CLMP: variants seen among roughly 807,000 people sequenced by gnomAD.
The protein encoded by CLMP is CXADR-like membrane protein.
In CLMP, 27 loss-of-function variants were observed where a neutral mutation model predicts 45.2. The observed-to-expected ratio is 0.60, with a 90% CI of 0.44 to 0.82. The LOEUF is 0.82. CLMP is among the 40% of genes least tolerant of loss of function. The pLI, the probability that CLMP is intolerant of heterozygous loss-of-function variation, is 0.00. For missense variants in CLMP, 403 were observed against 448.4 expected, an observed-to-expected ratio of 0.90 and a Z score of 0.91; for synonymous variants, 167 against 171.4, an observed-to-expected ratio of 0.97 and a Z score of 0.20.
intron 1 of CLMP, among the ~76,000 whole-genome samples, chr11:123,129,448 T>G (rs942775304): frequency 6.2e-4 from 87 of 140,330 alleles, no homozygotes; most frequent in African/African-American, 2.3e-3. Context: ...ATATGATATA[T>G]TATATAAAAT....
intron 1 of CLMP, among the ~76,000 whole-genome samples, chr11:123,183,154 G>T (rs1172135737): frequency 1.3e-5 from 2 of 152,188 alleles, no homozygotes; most frequent in Admixed American, 6.5e-5. Context: ...TGGGTCTGGA[G>T]TTAGTGGGTC....
chr11:123,120,619 C>T (rs7122440), intron 1 of CLMP, among the ~76,000 whole-genome samples: 20,963 of 151,926 alleles, frequency 0.14, 1,473 homozygotes, highest in African/African-American at 0.15. Flanking sequence ...TTATGAGAAT[C>T]GAGTTAGTTT....
At chr11:123,101,877 A>AG (rs111428435) in intron 1 of CLMP, among the ~76,000 whole-genome samples, 14,852 of 152,240 alleles carry the variant, frequency 0.098, 826 homozygotes, top group East Asian at 0.16. Context: ...CCATTACTCC[A>AG]AGGTTATAAG....
chr11:123,161,258 C>A (rs187870873), intron 1 of CLMP, among the ~76,000 whole-genome samples: 1 of 152,182 alleles, frequency 6.6e-6, no homozygotes, highest in South Asian at 2.1e-4. Context: ...GACTGTAGAA[C>A]TGAGACAGAT....
At chr11:123,183,795 G>A (rs1356605660) in intron 1 of CLMP, among the ~76,000 whole-genome samples, 4 of 152,162 alleles carry the variant, frequency 2.6e-5, no homozygotes, top group Non-Finnish European at 5.9e-5. Context: ...CTGGGGTGGG[G>A]ATGAAACACA....
intron 1 of CLMP, among the ~76,000 whole-genome samples, chr11:123,128,981 A>G (rs1449613192): frequency 1.3e-5 from 2 of 152,216 alleles, no homozygotes; most frequent in Non-Finnish European, 2.9e-5. Context: ...TAATTAGCAC[A>G]GCCGGTGTTA....
chr11:123,129,665 TTATA>T (rs1221571435), intron 1 of CLMP, among the ~76,000 whole-genome samples: 3 of 140,986 alleles, frequency 2.1e-5, no homozygotes, highest in Non-Finnish European at 4.6e-5. Context: ...TATATAAATT[TTATA>T]TATATAAATA....
chr11:123,172,800 T>G (rs1202601112), intron 1 of CLMP, among the ~76,000 whole-genome samples: 2 of 152,248 alleles, frequency 1.3e-5, no homozygotes, highest in Non-Finnish European at 2.9e-5. Context: ...AACATTTTTT[T>G]ACATTGTATT....
intron 1 of CLMP, among the ~76,000 whole-genome samples, chr11:123,184,608 C>G (rs111640991): frequency 6.6e-6 from 1 of 152,154 alleles, no homozygotes; most frequent in Non-Finnish European, 1.5e-5. Flanking sequence ...AGCCCATACA[C>G]GACTCTTGCC....
intron 1 of CLMP, among the ~76,000 whole-genome samples, chr11:123,168,986 A>G (rs1178663761): frequency 6.6e-6 from 1 of 152,150 alleles, no homozygotes; most frequent in Non-Finnish European, 1.5e-5. Flanking sequence ...CTCTTCAGGG[A>G]CCCATGAATA....
chr11:123,160,248 C>A (rs1478793809), intron 1 of CLMP, among the ~76,000 whole-genome samples: 1 of 132,136 alleles, frequency 7.6e-6, no homozygotes, highest in African/African-American at 3.0e-5. Context: ...CCACTGCACT[C>A]CAGCCTGGGC....
chr11:123,125,121 C>T (rs1860870627), intron 1 of CLMP, among the ~76,000 whole-genome samples: 1 of 152,164 alleles, frequency 6.6e-6, no homozygotes, highest in South Asian at 2.1e-4. Context: ...GGGTCTTGAA[C>T]TCCTGAGCTC....
intron 1 of CLMP, among the ~76,000 whole-genome samples, chr11:123,099,772 A>G (rs1019573249): frequency 3.3e-5 from 5 of 152,166 alleles, no homozygotes; most frequent in Non-Finnish European, 7.4e-5. Context: ...AAAACAAATT[A>G]TGCGGGAAAA....
intron 1 of CLMP, among the ~76,000 whole-genome samples, chr11:123,178,435 C>G (rs80211940): frequency 6.6e-6 from 1 of 152,188 alleles, no homozygotes; most frequent in Admixed American, 6.5e-5. Flanking sequence ...CTCATTTTCG[C>G]AAAGACACCC....
chr11:123,115,462 T>G (rs1860707615), intron 1 of CLMP, among the ~76,000 whole-genome samples: 1 of 152,194 alleles, frequency 6.6e-6, no homozygotes, highest in African/African-American at 2.4e-5. Flanking sequence ...GATTCAACAA[T>G]GGCATTTTAG....
intron 5 of CLMP, among the ~76,000 whole-genome samples, chr11:123,082,087 GTGTGTGTGCATGAGCACATGCACATACA>G (rs1339097253): frequency 3.3e-5 from 5 of 152,238 alleles, no homozygotes; most frequent in African/African-American, 1.2e-4. Context: ...ATGTACACAC[GTGTGTGTGCATGAGCACATGCACATACA>G]CACTCACAAA....
At chr11:123,118,427 G>A (rs1357917563) in intron 1 of CLMP, among the ~76,000 whole-genome samples, 1 of 152,182 alleles carries the variant, frequency 6.6e-6, no homozygotes, top group Non-Finnish European at 1.5e-5. Flanking sequence ...AAGCCACCAA[G>A]CCCAGCCAAG....
At chr11:123,136,546 A>C (rs1465923236) in intron 1 of CLMP, among the ~76,000 whole-genome samples, 2 of 115,858 alleles carry the variant, frequency 1.7e-5, no homozygotes, top group Non-Finnish European at 3.6e-5. Flanking sequence ...AACTTGGGTT[A>C]TTACTTTTAA....
At chr11:123,169,939 C>T (rs1215218182) in intron 1 of CLMP, among the ~76,000 whole-genome samples, 1 of 152,076 alleles carries the variant, frequency 6.6e-6, no homozygotes, top group Non-Finnish European at 1.5e-5. Flanking sequence ...ATAGAAGTGT[C>T]TGAGTTAAGG....
Sources: allele counts gnomAD v4.1 joint callset (sites outside exome capture counted in the v4.1 genomes callset), GRCh38; gene constraint gnomAD v4.1.1; transcripts MANE v1.5; gene names NCBI Gene and HGNC (gene_info 2026-07-23, HGNC 2026-07-21).